ANXA2: variants seen among roughly 807,000 people sequenced by gnomAD.
ANXA2 encodes the protein annexin A2, also known as annexin II.
Under a neutral mutation model 47.3 loss-of-function variants are expected in ANXA2, and 28 were observed. The observed-to-expected ratio is 0.59, with a 90% CI of 0.44 to 0.81. The LOEUF (loss-of-function observed/expected upper bound fraction) is 0.81. ANXA2 is among the 40% of genes least tolerant of loss of function. The pLI is 0.00. For synonymous variants in ANXA2, 172 were observed against 155.5 expected, an observed-to-expected ratio of 1.11 and a Z score of -0.79; for missense variants, 384 against 414.3, an observed-to-expected ratio of 0.93 and a Z score of 0.64.
chr15:60,386,454 C>A (rs1364053127), intron 1 of ANXA2: 4 of 168,748 alleles, frequency 2.4e-5, no homozygotes, highest in African/African-American at 9.5e-5. Context: ...GAACCAGCCA[C>A]TACTTCTGTA....
At chr15:60,393,536 AC>A in intron 1 of ANXA2, 1 of 986,686 alleles carries the variant, frequency 1.0e-6, no homozygotes, top group Non-Finnish European at 1.2e-6. Flanking sequence ...ACACATGCAT[AC>A]ACGCATCCTG....
intron 3 of ANXA2, among the ~76,000 whole-genome samples, chr15:60,369,761 G>A (rs2062687909): frequency 6.6e-6 from 1 of 152,164 alleles, no homozygotes; most frequent in African/African-American, 2.4e-5. Flanking sequence ...GGATAACCAT[G>A]GTGGGAAATG....
chr15:60,374,569 TA>T, intron 3 of ANXA2: 1 of 455,752 alleles, frequency 2.2e-6, no homozygotes, highest in Admixed American at 2.4e-5. Context: ...AACTGTTTTT[TA>T]AAAAAAGAAA....
rs551317970 is a variant in ANXA2 at position 60,352,820 on chromosome 15, A to G, written c.589-344T>C. On this transcript the variant is annotated intron_variant, in intron 8 of 12. Coordinates refer to ENST00000451270, the MANE Select transcript of ANXA2 (RefSeq NM_004039.3). The surrounding 1 kb of genome is among the most constrained non-coding windows in gnomAD (Gnocchi z 4.2). ...ACATCTGGCCCTCCTCCCTTTGGGC[A>G]CATTTAGGGGCAGATAAGCTAGCAG... 3.9e-5 allele frequency among the ~76,000 whole-genome samples: 6 copies of G among 152,324 alleles called. No homozygotes were observed. The East Asian group carries it at 1.2e-3, about 29-fold the overall frequency.
At chr15:60,347,876 G>A (rs1441003876) in intron 12 of ANXA2, among the ~76,000 whole-genome samples, 187 bp from the exon 13 acceptor site, 1 of 152,230 alleles carries the variant, frequency 6.6e-6, no homozygotes, top group Non-Finnish European at 1.5e-5. Flanking sequence ...AAGCCTCCAG[G>A]AGTGTGGTCG....
At chr15:60,355,685 C>G in intron 7 of ANXA2, 1 of 585,022 alleles carries the variant, frequency 1.7e-6, no homozygotes. Context: ...TTGAGAGCCG[C>G]CCATCCCTTC....
In ANXA2 at chr15:60,349,849, GAGGTGAAGGCAGGGAGGC is replaced by G. The variant is rs1442184649; in HGVS notation, c.838-670_838-653del. 1.5e-3 allele frequency among the ~76,000 whole-genome samples: 176 copies of G among 118,614 alleles called. 2 individuals carry two copies. The highest frequency in any genetic ancestry group is 3.0e-3 in the African/African-American group (87 of 29,034). The allele number at this position is 118,614 out of a possible 152,430, so 77.8% of individuals were successfully genotyped here. A position where few individuals can be genotyped will look rare whatever the true frequency, so the allele number is the denominator to read the frequency against. On this transcript the variant is annotated intron_variant, in intron 11 of 12. Transcript: ENST00000451270. ...GGGAGGGAGGGGAAGGAAAGGGAGG[GAGGTGAAGGCAGGGAGGC>G]AGGGGAAGGCAAGGAGGCAGGAGAA...
At chr15:60,360,325 T>A (rs2140822564) in intron 5 of ANXA2, among the ~76,000 whole-genome samples, 1 of 152,302 alleles carries the variant, frequency 6.6e-6, no homozygotes, top group African/African-American at 2.4e-5. Context: ...AGGTTTCCAA[T>A]CTACAGTTTT....
chr15:60,364,286 G>C (rs2062560131), intron 4 of ANXA2, 143 bp downstream of exon 4: 6 of 703,072 alleles, frequency 8.5e-6, no homozygotes. Flanking sequence ...ACTCTTACAA[G>C]GATTTAAGAA....
At chr15:60,349,410 A>G (rs1426748702) in intron 11 of ANXA2, among the ~76,000 whole-genome samples, 1 of 152,242 alleles carries the variant, frequency 6.6e-6, no homozygotes, top group Non-Finnish European at 1.5e-5. Flanking sequence ...AAAGCGTTGT[A>G]TAAAATTACC....
At chr15:60,351,887 T>A in intron 9 of ANXA2, 68 bp from the exon 10 acceptor site, 1 of 1,065,050 alleles carries the variant, frequency 9.4e-7, no homozygotes, top group Non-Finnish European at 1.5e-6. Flanking sequence ...ATCACCCACC[T>A]AGTTTTATGC....
chr15:60,374,420 G>A (rs957592031), intron 3 of ANXA2: 3 of 455,310 alleles, frequency 6.6e-6, no homozygotes, highest in East Asian at 6.9e-5. Context: ...GAACAGATGC[G>A]AGAGAAACCA....
chr15:60,357,384 A>C, intron 5 of ANXA2, 148 bp from the exon 6 acceptor site: 1 of 614,914 alleles, frequency 1.6e-6, no homozygotes. Context: ...CTATACTCCT[A>C]CCCCTTAGCA....
At chr15:60,350,627 G>A (rs1011874757) in intron 11 of ANXA2, among the ~76,000 whole-genome samples, 2 of 152,154 alleles carry the variant, frequency 1.3e-5, no homozygotes, top group Non-Finnish European at 2.9e-5. Flanking sequence ...TAGAAAATGG[G>A]ATGGGTCTAC....
At chr15:60,385,754 C>T in intron 2 of ANXA2, 1 of 366,430 alleles carries the variant, frequency 2.7e-6, no homozygotes, top group Non-Finnish European at 5.0e-6. Flanking sequence ...TTACCAATGA[C>T]ATGCTAAGTA....
rs375827278 is a variant in ANXA2, at chr15:60,360,942, T to A, written c.356A>T (p.Lys119Met). The A allele has an allele frequency of 6.3e-7, 1 of 1,594,844 alleles. No homozygotes were observed. The highest frequency in any genetic ancestry group is 1.3e-5 in the African/African-American group (1 of 74,586). The change falls in exon 5 of 13, where the codon AAG becomes ATG. Residue 119 changes from lysine to methionine, a missense_variant and splice_region_variant. Physicochemically the swap from Lys to Met is moderately conservative, Grantham distance 95 (BLOSUM62 -1). Coordinates refer to ENST00000451270, the MANE Select transcript of ANXA2 (RefSeq NM_004039.3). Reference protein sequence around the residue: ...YDASELKASMKGLGTDEDSLI... With the variant: ...YDASELKASMMGLGTDEDSLI... Reference sequence around the variant, plus strand: ...AGATGACATCTCACATGCATTTACCTTCATGGAAGCTTTTAGCTCAGAAGC... The same window carrying A: ...AGATGACATCTCACATGCATTTACCATCATGGAAGCTTTTAGCTCAGAAGC...
chr15:60,352,382 C>G lies in ANXA2; in HGVS notation c.682+1G>C. On this transcript the variant is annotated splice_donor_variant, in intron 9 of 12. Coordinates refer to ENST00000451270, the MANE Select transcript of ANXA2 (RefSeq NM_004039.3). LOFTEE classifies it high-confidence loss of function. The surrounding 1 kb of genome is among the most constrained non-coding windows in gnomAD (Gnocchi z 4.2). ...TGAGACTCCCTCAGCACAGTGCCCACCTTTCTGGAGGTGGGGCACGCTCCG... is the reference window on the plus strand; with the variant it reads ...TGAGACTCCCTCAGCACAGTGCCCAGCTTTCTGGAGGTGGGGCACGCTCCG... 3 of 1,612,076 alleles carry G rather than the reference C, an allele frequency of 1.9e-6. No homozygotes were observed. Among genetic ancestry groups the G allele is most frequent in the South Asian group, 1.1e-5 (1 of 90,964 alleles).
At chr15:60,364,564 T>C in intron 3 of ANXA2, 41 bp from the exon 4 acceptor site, 1 of 1,518,618 alleles carries the variant, frequency 6.6e-7, no homozygotes, top group East Asian at 2.3e-5. Context: ...CAGTATACTC[T>C]AGTATTTTGG....
intron 8 of ANXA2, 118 bp downstream of exon 8, chr15:60,354,036 T>C (rs1292205054): frequency 2.8e-6 from 2 of 715,260 alleles, no homozygotes; most frequent in Non-Finnish European, 2.3e-6. Flanking sequence ...TAATACATGT[T>C]TGTTGTTTTA....
Sources: allele counts gnomAD v4.1 joint callset (sites outside exome capture counted in the v4.1 genomes callset), GRCh38; gene constraint gnomAD v4.1.1; non-coding constraint Gnocchi (gnomAD v3.1); transcripts MANE v1.5; gene names NCBI Gene and HGNC (gene_info 2026-07-23, HGNC 2026-07-21).